The following TMEFF1 variants were observed in gnomAD, a reference collection of about 807,000 sequenced individuals.
The protein encoded by TMEFF1 is transmembrane protein with EGF like and two follistatin like domains 1, also known as tomoregulin-1.
A neutral mutation model predicts 47.5 loss-of-function variants in TMEFF1; 20 were observed. The ratio of observed to expected loss-of-function variants is 0.42; its 90% CI spans 0.30 to 0.61. The LOEUF (loss-of-function observed/expected upper bound fraction) is 0.61. Ranked by LOEUF, TMEFF1 falls within the 20% of genes least tolerant of loss-of-function variation. The probability of loss-of-function intolerance (pLI) is 0.19; values close to 1 mark genes in which losing one functional copy is unlikely to be tolerated. For synonymous variants in TMEFF1, 162 were observed against 166.3 expected, an observed-to-expected ratio of 0.97 and a Z score of 0.20; for missense variants, 411 against 471.1, an observed-to-expected ratio of 0.87 and a Z score of 1.18.
intron 5 of TMEFF1, among the ~76,000 whole-genome samples, chr9:100,522,524 G>A (rs1838182185): frequency 7.7e-6 from 1 of 130,508 alleles, no homozygotes; most frequent in Non-Finnish European, 1.6e-5. Context: ...TGCAACTTCC[G>A]CCTCCCGGGT....
chr9:100,540,395 C>T (rs554429822), intron 5 of TMEFF1, among the ~76,000 whole-genome samples: 20 of 152,368 alleles, frequency 1.3e-4, no homozygotes, highest in African/African-American at 4.1e-4. Context: ...GCACTTGCCT[C>T]GGGACCTTGC....
chr9:100,570,183 A>G (rs1321712826), intron 8 of TMEFF1, among the ~76,000 whole-genome samples: 3 of 152,080 alleles, frequency 2.0e-5, no homozygotes, highest in South Asian at 4.1e-4. Context: ...TTATTTGTTA[A>G]TGGACACTTA....
chr9:100,506,575 C>T (rs190084051), intron 2 of TMEFF1, among the ~76,000 whole-genome samples: 1 of 151,936 alleles, frequency 6.6e-6, no homozygotes, highest in East Asian at 1.9e-4. Context: ...ACCATCCTGG[C>T]TAACACAGTG....
chr9:100,525,144 C>T (rs1838232759), intron 5 of TMEFF1, among the ~76,000 whole-genome samples: 1 of 152,148 alleles, frequency 6.6e-6, no homozygotes, highest in African/African-American at 2.4e-5. Context: ...CCAGGATCTC[C>T]CTTCAGTGTG....
chr9:100,546,730 T>G (rs529032709), intron 5 of TMEFF1, among the ~76,000 whole-genome samples: 3 of 152,212 alleles, frequency 2.0e-5, no homozygotes, highest in Non-Finnish European at 4.4e-5. Flanking sequence ...TTTTTGTTGT[T>G]TTTATCAGGA....
intron 5 of TMEFF1, among the ~76,000 whole-genome samples, chr9:100,542,701 T>A (rs749241996): frequency 1.7e-4 from 26 of 152,298 alleles, no homozygotes; most frequent in Admixed American, 6.5e-4. Flanking sequence ...ATTCTTTTTC[T>A]CATTATAAAA....
intron 1 of TMEFF1, among the ~76,000 whole-genome samples, chr9:100,492,027 A>C (rs571956740): frequency 6.6e-6 from 1 of 152,206 alleles, no homozygotes; most frequent in Admixed American, 6.5e-5. Flanking sequence ...CTGGGATTAC[A>C]GGCTCGTGCC....
At chr9:100,484,531 C>G (rs1837411218) in intron 1 of TMEFF1, among the ~76,000 whole-genome samples, 2 of 151,924 alleles carry the variant, frequency 1.3e-5, no homozygotes, top group Admixed American at 1.3e-4. Context: ...GTTGTCCAGG[C>G]TGGTCTTGAA....
chr9:100,542,614 T>C (rs1401923461), intron 5 of TMEFF1, among the ~76,000 whole-genome samples: 1 of 152,250 alleles, frequency 6.6e-6, no homozygotes, highest in Non-Finnish European at 1.5e-5. Flanking sequence ...TCAGTATTGC[T>C]TTTGAAAAGT....
chr9:100,506,745 C>T (rs796507413), intron 2 of TMEFF1, among the ~76,000 whole-genome samples: 10 of 126,828 alleles, frequency 7.9e-5, no homozygotes, highest in Middle Eastern at 6.0e-3. Flanking sequence ...CCAGCCTAGG[C>T]GACAGAGCGA....
At chr9:100,568,652 C>A (rs1839172085) in intron 8 of TMEFF1, among the ~76,000 whole-genome samples, 1 of 151,154 alleles carries the variant, frequency 6.6e-6, no homozygotes, top group Non-Finnish European at 1.5e-5. Flanking sequence ...GTGCAACCAT[C>A]ACCACAATCA....
At chr9:100,559,503 T>C (rs953385649) in intron 7 of TMEFF1, among the ~76,000 whole-genome samples, 4 of 152,272 alleles carry the variant, frequency 2.6e-5, no homozygotes, top group South Asian at 2.1e-4. Flanking sequence ...GTGTAAAATA[T>C]CAGAATTTGG....
intron 3 of TMEFF1, among the ~76,000 whole-genome samples, chr9:100,512,806 C>A (rs1837992681): frequency 6.6e-6 from 1 of 152,078 alleles, no homozygotes; most frequent in Non-Finnish European, 1.5e-5. Context: ...TTCCTTGCTT[C>A]CTAAACCTTG....
chr9:100,489,505 G>C (rs1837511797), intron 1 of TMEFF1, among the ~76,000 whole-genome samples: 1 of 152,078 alleles, frequency 6.6e-6, no homozygotes, highest in South Asian at 2.1e-4. Flanking sequence ...TAATTTTCAA[G>C]GTTCTTATAT....
chr9:100,516,196 T>C (rs1450156643), intron 4 of TMEFF1, among the ~76,000 whole-genome samples: 1 of 152,134 alleles, frequency 6.6e-6, no homozygotes, highest in African/African-American at 2.4e-5. Context: ...AACTCTGAAA[T>C]TAGTTTTTAT....
intron 3 of TMEFF1, among the ~76,000 whole-genome samples, chr9:100,512,397 A>G (rs1837984636): frequency 6.6e-6 from 1 of 152,096 alleles, no homozygotes; most frequent in African/African-American, 2.4e-5. Context: ...AGGAGCTTGA[A>G]GGGAAGGGAA....
At chr9:100,482,927 A>G (rs2118249453) in intron 1 of TMEFF1, among the ~76,000 whole-genome samples, 1 of 152,016 alleles carries the variant, frequency 6.6e-6, no homozygotes, top group East Asian at 1.9e-4. Flanking sequence ...CTACCCTGCT[A>G]TCTCTGATTA....
chr9:100,493,610 C>G (rs1368735244), intron 1 of TMEFF1, among the ~76,000 whole-genome samples: 1 of 152,144 alleles, frequency 6.6e-6, no homozygotes, highest in Non-Finnish European at 1.5e-5. Flanking sequence ...ATATTTTGTT[C>G]TGAGCAACTC....
At chr9:100,548,171 A>T (rs781288035) in intron 6 of TMEFF1, among the ~76,000 whole-genome samples, 6 of 152,094 alleles carry the variant, frequency 3.9e-5, no homozygotes, top group Non-Finnish European at 7.4e-5. Flanking sequence ...TATAGTTCTA[A>T]TATCATCTCA....
Sources: gnomAD v4.1 joint callset for allele counts (sites outside exome capture counted in the v4.1 genomes callset) on GRCh38, gnomAD v4.1.1 for gene constraint, MANE v1.5 for transcripts, NCBI Gene and HGNC (gene_info 2026-07-23, HGNC 2026-07-21) for gene names.